KIAA1217: variants seen among roughly 807,000 people sequenced by gnomAD.
KIAA1217 encodes sickle tail protein homolog.
In KIAA1217, 88 loss-of-function variants were observed where a neutral mutation model predicts 163.9. The observed-to-expected ratio is 0.54, with a 90% CI of 0.45 to 0.64. The LOEUF (loss-of-function observed/expected upper bound fraction) is 0.64. Ranked by LOEUF, KIAA1217 falls within the 30% of genes least tolerant of loss-of-function variation. The pLI, the probability that KIAA1217 is intolerant of heterozygous loss-of-function variation, is 0.00. For missense variants in KIAA1217, 2,372 were observed against 2,475.0 expected (o/e 0.96, Z 0.88); for synonymous variants, 903 against 923.1 (o/e 0.98, Z 0.39).
chr10:24,345,985 CT>C (rs2047707411), intron 2 of KIAA1217, among the ~76,000 whole-genome samples: 2 of 152,172 alleles, frequency 1.3e-5, no homozygotes, highest in South Asian at 4.1e-4. Context: ...CTCCCAGCCC[CT>C]GGCAACCACC....
At chr10:23,823,932 G>T (rs1837746199) in intron 1 of KIAA1217, among the ~76,000 whole-genome samples, 1 of 151,488 alleles carries the variant, frequency 6.6e-6, no homozygotes, top group Non-Finnish European at 1.5e-5. Context: ...AGAGAGGGGG[G>T]GAAAGGAAGG....
chr10:24,125,451 T>G (rs2063438560), intron 2 of KIAA1217, among the ~76,000 whole-genome samples: 1 of 152,116 alleles, frequency 6.6e-6, no homozygotes, highest in South Asian at 2.1e-4. Flanking sequence ...AAGCTACATT[T>G]ATAATGAATT....
At chr10:24,457,281 T>C (rs2061890325) in intron 5 of KIAA1217, among the ~76,000 whole-genome samples, 1 of 152,078 alleles carries the variant, frequency 6.6e-6, no homozygotes, top group African/African-American at 2.4e-5. Context: ...TGCAGCTTGA[T>C]TCTTTTTGAA....
intron 2 of KIAA1217, among the ~76,000 whole-genome samples, chr10:24,340,376 A>G (rs905803619): frequency 6.6e-6 from 1 of 151,916 alleles, no homozygotes; most frequent in Non-Finnish European, 1.5e-5. Context: ...TAAAGGGTTA[A>G]CCCTTTCACT....
intron 2 of KIAA1217, among the ~76,000 whole-genome samples, chr10:24,179,932 C>T (rs184561300): frequency 1.3e-3 from 202 of 152,242 alleles, no homozygotes; most frequent in African/African-American, 4.8e-3. Flanking sequence ...AATACAGCTT[C>T]TATGTGCAAC....
Position 24,360,040 on chromosome 10 carries a change from C to CATTTTTTTTTTTTTTTTTTTTTTTTT in KIAA1217, c.355-20829_355-20828insATTTTTTTTTTTTTTTTTTTTTTTTT, listed in dbSNP as rs55881849. 1.7e-4 allele frequency among the ~76,000 whole-genome samples: 16 copies of CATTTTTTTTTTTTTTTTTTTTTTTTT among 94,282 alleles called. 5 individuals are homozygous for CATTTTTTTTTTTTTTTTTTTTTTTTT. The highest frequency in any genetic ancestry group is 1.3e-4 in the Non-Finnish European group (7 of 52,272). The allele number at this position is 94,282 out of a possible 152,430, so 61.9% of individuals were successfully genotyped here. ...ACTGTGTATCTTTAGGATATAATTA[C>CATTTTTTTTTTTTTTTTTTTTTTTTT]TTTTTTTTTTTTTTTTTTTTTTTTG... is the stretch of plus-strand genomic sequence containing the variant. On this transcript the variant is annotated intron_variant, in intron 2 of 20. Coordinates refer to ENST00000376454, the MANE Select transcript of KIAA1217 (RefSeq NM_019590.5).
At chr10:24,259,327 G>A (rs957874739) in intron 2 of KIAA1217, among the ~76,000 whole-genome samples, 1 of 152,132 alleles carries the variant, frequency 6.6e-6, no homozygotes, top group African/African-American at 2.4e-5. Flanking sequence ...AAAATACTTG[G>A]TGCTGGCCAG....
chr10:24,544,448 G>A lies in KIAA1217; in HGVS notation c.5178G>A (p.Glu1726=), dbSNP rs375084478. Residue 1726 remains glutamate (E), a synonymous_variant, in exon 19 of 21, where the codon GAG becomes GAA. Transcript: ENST00000376454. ...LVPDEGPTAL[E]PPTSIPSASR... ...CGGATGAAGGTCCCACTGCCCTAGA[G>A]CCCCCTACGTCGATACCTTCAGCTT... The A allele has an allele frequency of 1.2e-5, 20 of 1,613,810 alleles. No individual in the cohort carries two copies. In the East Asian group the frequency reaches 2.9e-4, roughly 23 times the overall value.
At chr10:23,759,313 A>G (rs1159711196) in intron 1 of KIAA1217, among the ~76,000 whole-genome samples, 2 of 148,416 alleles carry the variant, frequency 1.3e-5, no homozygotes, top group African/African-American at 2.4e-5. Context: ...TTTTGGTGAA[A>G]TAATTAGGGT....
intron 1 of KIAA1217, among the ~76,000 whole-genome samples, chr10:23,797,360 G>A (rs1836254935): frequency 6.6e-6 from 1 of 152,120 alleles, no homozygotes; most frequent in Admixed American, 6.6e-5. Flanking sequence ...TCAGAAAGGA[G>A]GAGACTGAAT....
At chr10:24,099,182 A>G (rs2062291174) in intron 2 of KIAA1217, among the ~76,000 whole-genome samples, 1 of 147,074 alleles carries the variant, frequency 6.8e-6, no homozygotes, top group Non-Finnish European at 1.5e-5. Flanking sequence ...TTTCTCCTGC[A>G]AAAACTTTTT....
intron 2 of KIAA1217, among the ~76,000 whole-genome samples, chr10:24,092,666 C>A (rs1173983148): frequency 6.6e-6 from 1 of 151,304 alleles, no homozygotes; most frequent in Non-Finnish European, 1.5e-5. Flanking sequence ...AAACTATGTA[C>A]CATATGATTT....
intron 1 of KIAA1217, among the ~76,000 whole-genome samples, chr10:23,939,674 T>G (rs1415310405): frequency 6.6e-6 from 1 of 151,710 alleles, no homozygotes; most frequent in Non-Finnish European, 1.5e-5. Flanking sequence ...AATTAGAAAT[T>G]TCAGCAGTTG....
intron 2 of KIAA1217, among the ~76,000 whole-genome samples, chr10:24,159,052 A>G (rs1261197842): frequency 6.6e-6 from 1 of 152,246 alleles, no homozygotes. Context: ...CAGAAAACTC[A>G]GCATTGATTA....
In KIAA1217 at chr10:24,250,007, A is replaced by G. The variant is rs115726321; in HGVS notation, c.354+30098A>G. ...CCTGAAGTTCTCCTCTGCACCTCCTACCTTTTTGCCATTTCAGTGATGCAC... is the reference window on the plus strand; with the variant it reads ...CCTGAAGTTCTCCTCTGCACCTCCTGCCTTTTTGCCATTTCAGTGATGCAC... On this transcript the variant is annotated intron_variant, in intron 2 of 20. Coordinates refer to ENST00000376454, the MANE Select transcript of KIAA1217 (RefSeq NM_019590.5). 6.0e-3 allele frequency among the ~76,000 whole-genome samples: 909 copies of G among 152,170 alleles called. 9 individuals are homozygous for G. Among genetic ancestry groups the G allele is most frequent in the African/African-American group, 0.021 (876 of 41,530 alleles).
At chr10:23,847,512 A>C (rs922299878) in intron 1 of KIAA1217, among the ~76,000 whole-genome samples, 2 of 152,076 alleles carry the variant, frequency 1.3e-5, no homozygotes, top group African/African-American at 4.8e-5. Flanking sequence ...GTTTATTTGC[A>C]TAGAGGTGTT....
chr10:23,839,226 T>C (rs1054585570), intron 1 of KIAA1217, among the ~76,000 whole-genome samples: 6 of 152,246 alleles, frequency 3.9e-5, no homozygotes, highest in Non-Finnish European at 7.3e-5. Context: ...GCTATCTTTC[T>C]TTTCTTGTTT....
intron 2 of KIAA1217, among the ~76,000 whole-genome samples, chr10:24,100,517 A>T (rs1245794158): frequency 6.6e-6 from 1 of 152,216 alleles, no homozygotes. Context: ...CTGTCTGCTG[A>T]TCCACAAGGT....
chr10:24,540,693 A>G (rs1319718062), intron 17 of KIAA1217, among the ~76,000 whole-genome samples: 1 of 152,236 alleles, frequency 6.6e-6, no homozygotes, highest in Non-Finnish European at 1.5e-5. Context: ...TTTGGGTCCT[A>G]GCATGATATG....
Sources: gnomAD v4.1 joint callset for allele counts (sites outside exome capture counted in the v4.1 genomes callset) on GRCh38, gnomAD v4.1.1 for gene constraint, MANE v1.5 for transcripts, NCBI Gene and HGNC (gene_info 2026-07-23, HGNC 2026-07-21) for gene names.